SPATA17: variants seen among roughly 807,000 people sequenced by gnomAD.
SPATA17 encodes the protein spermatogenesis-associated protein 17.
Under a neutral mutation model 62.2 loss-of-function variants are expected in SPATA17, and 53 were observed. The ratio of observed to expected loss-of-function variants is 0.85; its 90% CI spans 0.68 to 1.07. SPATA17 has a LOEUF of 1.07. Ranked by LOEUF, SPATA17 falls within the 50% of genes least tolerant of loss-of-function variation. The pLI is 0.00. For missense variants in SPATA17, 466 were observed against 425.5 expected (o/e 1.10, Z -0.84); for synonymous variants, 146 against 146.8 (o/e 0.99, Z 0.04).
intron 7 of SPATA17, among the ~76,000 whole-genome samples, chr1:217,781,453 T>G (rs749146392): frequency 2.1e-4 from 32 of 152,160 alleles, no homozygotes; most frequent in Non-Finnish European, 4.4e-4. Context: ...CGATACTAAT[T>G]AGACAACCAG....
chr1:217,811,532 AACTTAC>A (rs1196376411), intron 9 of SPATA17, among the ~76,000 whole-genome samples: 1 of 152,068 alleles, frequency 6.6e-6, no homozygotes, highest in African/African-American at 2.4e-5. Context: ...TAAATAAACA[AACTTAC>A]AAAAATTAGC....
intron 6 of SPATA17, among the ~76,000 whole-genome samples, chr1:217,772,374 C>A (rs775318761): frequency 3.9e-5 from 6 of 151,942 alleles, no homozygotes; most frequent in Non-Finnish European, 8.8e-5. Context: ...CAAAGAAGAG[C>A]CAGTACAAAA....
At position 217,868,112 on chromosome 1, in the gene SPATA17, T is replaced by TA. The variant is rs952362049; in HGVS notation, c.*1096dup. On this transcript the variant is annotated 3_prime_UTR_variant, in exon 11 of 11. Coordinates refer to ENST00000366933, the MANE Select transcript of SPATA17 (RefSeq NM_138796.4). ...TGTGTACAGTTTTGAGCTCCTGATT[T>TA]AAATAAACAAATTGTAAAATAAAAG... 1 of 152,194 alleles carries TA rather than the reference T, an allele frequency of 6.6e-6. No individual in the cohort carries two copies. The highest frequency in any genetic ancestry group is 2.4e-5 in the African/African-American group (1 of 41,468). The allele number at this position is 152,194 out of a possible 1,614,324, so 9.4% of individuals were successfully genotyped here.
chr1:217,779,213 G>A (rs1168792567), intron 7 of SPATA17, among the ~76,000 whole-genome samples: 1 of 150,796 alleles, frequency 6.6e-6, no homozygotes, highest in Non-Finnish European at 1.5e-5. Flanking sequence ...TTTATATAGA[G>A]AATATATAAA....
At chr1:217,818,494 A>G (rs940011591) in intron 9 of SPATA17, among the ~76,000 whole-genome samples, 5 of 152,106 alleles carry the variant, frequency 3.3e-5, no homozygotes, top group Non-Finnish European at 7.4e-5. Context: ...ATGTTACTGT[A>G]CTGAATATTG....
intron 9 of SPATA17, among the ~76,000 whole-genome samples, chr1:217,807,737 T>A (rs970065846): frequency 1.3e-5 from 2 of 152,162 alleles, no homozygotes; most frequent in Non-Finnish European, 2.9e-5. Flanking sequence ...AATATTTTTT[T>A]ATCTGATTTC....
intron 1 of SPATA17, among the ~76,000 whole-genome samples, chr1:217,645,919 C>T (rs1670170115): frequency 6.6e-6 from 1 of 152,106 alleles, no homozygotes. Flanking sequence ...TGATGCCTTC[C>T]CATTAACTTC....
chr1:217,701,119 C>T (rs61827798), intron 5 of SPATA17, among the ~76,000 whole-genome samples: 20,673 of 150,600 alleles, frequency 0.14, 1,500 homozygotes, highest in Non-Finnish European at 0.16. Flanking sequence ...GGACTGTAGG[C>T]GCACACCACC....
intron 5 of SPATA17, among the ~76,000 whole-genome samples, chr1:217,686,715 A>G (rs1671224310): frequency 6.6e-6 from 1 of 152,082 alleles, no homozygotes; most frequent in Non-Finnish European, 1.5e-5. Context: ...AAACACTATT[A>G]ACTTTTTGTT....
intron 6 of SPATA17, among the ~76,000 whole-genome samples, chr1:217,749,452 T>TC: frequency 6.6e-6 from 1 of 152,224 alleles, no homozygotes; most frequent in South Asian, 2.1e-4. Flanking sequence ...GGCTTTTTTT[T>TC]CTGTGTGTGT....
intron 9 of SPATA17, among the ~76,000 whole-genome samples, chr1:217,830,171 C>T (rs1675101060): frequency 6.6e-6 from 1 of 152,080 alleles, no homozygotes; most frequent in African/African-American, 2.4e-5. Context: ...AGATTCATCT[C>T]ATATCATTTT....
At chr1:217,657,003 A>G (rs1445752019) in intron 3 of SPATA17, among the ~76,000 whole-genome samples, 3 of 152,190 alleles carry the variant, frequency 2.0e-5, no homozygotes, top group Non-Finnish European at 2.9e-5. Context: ...GGACTTAACT[A>G]GTGCCAGTGT....
intron 8 of SPATA17, among the ~76,000 whole-genome samples, chr1:217,789,212 C>G (rs549713923): frequency 6.6e-6 from 1 of 152,288 alleles, no homozygotes; most frequent in African/African-American, 2.4e-5. Flanking sequence ...GATAGTTATT[C>G]AGAGTAGGTG....
intron 6 of SPATA17, among the ~76,000 whole-genome samples, chr1:217,753,514 T>C (rs1274216743): frequency 6.6e-6 from 1 of 152,138 alleles, no homozygotes; most frequent in African/African-American, 2.4e-5. Flanking sequence ...GATCAGTTTA[T>C]TTTCATTTAG....
intron 7 of SPATA17, among the ~76,000 whole-genome samples, chr1:217,780,864 G>A (rs909031033): frequency 2.6e-5 from 4 of 151,914 alleles, no homozygotes; most frequent in Admixed American, 6.6e-5. Context: ...ATGAACATCG[G>A]CATAGAGAAA....
intron 6 of SPATA17, among the ~76,000 whole-genome samples, chr1:217,768,017 C>A (rs1402407542): frequency 6.6e-6 from 1 of 152,096 alleles, no homozygotes; most frequent in Non-Finnish European, 1.5e-5. Context: ...GAGACTGAGG[C>A]AGGCAGATCA....
chr1:217,853,612 G>C (rs925076464), intron 9 of SPATA17, among the ~76,000 whole-genome samples: 1 of 152,232 alleles, frequency 6.6e-6, no homozygotes, highest in Admixed American at 6.5e-5. Context: ...GTTCTATAAA[G>C]TCACCTCAAA....
intron 3 of SPATA17, chr1:217,665,371 C>T (rs1238156733): frequency 6.6e-6 from 1 of 152,060 alleles, no homozygotes; most frequent in Non-Finnish European, 1.5e-5. Context: ...AGTCTATGAT[C>T]TTAAAAATTC....
chr1:217,776,646 C>T (rs963879052), intron 7 of SPATA17, among the ~76,000 whole-genome samples: 1 of 149,058 alleles, frequency 6.7e-6, no homozygotes, highest in Non-Finnish European at 1.5e-5. Context: ...CACAACCAGC[C>T]TGGGCAACAT....
Sources: gnomAD v4.1 joint callset for allele counts (sites outside exome capture counted in the v4.1 genomes callset) on GRCh38, gnomAD v4.1.1 for gene constraint, MANE v1.5 for transcripts, NCBI Gene and HGNC (gene_info 2026-07-23, HGNC 2026-07-21) for gene names.